Variants in USP30 observed in about 807,000 individuals in gnomAD.
USP30 encodes ubiquitin carboxyl-terminal hydrolase 30.
In USP30, 41 loss-of-function variants were observed where a neutral mutation model predicts 68.2. The ratio of observed to expected loss-of-function variants is 0.60; its 90% CI spans 0.47 to 0.78. The LOEUF (loss-of-function observed/expected upper bound fraction) is 0.78, where lower values mean the gene tolerates loss of function less well. USP30 is among the 30% of genes least tolerant of loss of function. The probability of loss-of-function intolerance (pLI) is 0.00; values close to 1 mark genes in which losing one functional copy is unlikely to be tolerated. For synonymous variants in USP30, 229 were observed against 253.7 expected, an observed-to-expected ratio of 0.90 and a Z score of 0.93; for missense variants, 522 against 649.4, an observed-to-expected ratio of 0.80 and a Z score of 2.13.
intron 3 of USP30, among the ~76,000 whole-genome samples, chr12:109,046,195 G>A (rs11832964): frequency 4.0e-5 from 6 of 149,294 alleles, no homozygotes; most frequent in African/African-American, 1.2e-4. Context: ...CCGCCCCCCC[G>A]GGTTTAAGTG....
upstream of USP30, among the ~76,000 whole-genome samples, chr12:109,048,476 C>T (rs1180595663): frequency 6.6e-6 from 1 of 151,770 alleles, no homozygotes; most frequent in Non-Finnish European, 1.5e-5. Flanking sequence ...GTACCAAGGG[C>T]CAGGGGGTCA....
At position 109,067,627 on chromosome 12, in the gene USP30, G is replaced by A. The variant is rs1192615519; in HGVS notation, c.480G>A (p.Gln160=). Residue 160 remains glutamine, a splice_region_variant and synonymous_variant, in exon 4 of 13, where the codon CAG becomes CAA. Coordinates refer to ENST00000257548, the MANE Select transcript of USP30 (RefSeq NM_032663.5). ...GGCAGATCTCATCATTTGAAGAACA[G>A]GTGAGTACAACATTTGAACAGGTTT... The part of the protein sequence containing the change: ...YRWQISSFEE[Q]DAHELFHVIT... 8 of 1,613,546 alleles carry A rather than the reference G, an allele frequency of 5.0e-6. No individual in the cohort carries two copies. Among genetic ancestry groups the A allele is most frequent in the South Asian group, 3.3e-5 (3 of 91,068 alleles).
In USP30 at chr12:109,052,623, G is replaced by GGCGGCA. The variant is rs2135691933; in HGVS notation, c.-51_-50insAGCGGC. On this transcript the variant is annotated 5_prime_UTR_variant, in exon 1 of 13. Coordinates refer to ENST00000257548, the MANE Select transcript of USP30 (RefSeq NM_032663.5). ...CGGGAACCGTCGTATCCCTCGGTCC[G>GGCGGCA]GCGGCGGCGGCGGCGGTAGCGGAGG... The GGCGGCA allele has an allele frequency of 7.8e-7, 1 of 1,287,924 alleles. No individual in the cohort carries two copies. The highest frequency in any genetic ancestry group is 1.0e-6 in the Non-Finnish European group (1 of 984,546). The allele number at this position is 1,287,924 out of a possible 1,614,324, so 79.8% of individuals were successfully genotyped here. A position where few individuals can be genotyped will look rare whatever the true frequency, so the allele number is the denominator to read the frequency against.
At chr12:109,085,324 A>T (rs554992678) in intron 12 of USP30, among the ~76,000 whole-genome samples, 63 of 152,380 alleles carry the variant, frequency 4.1e-4, no homozygotes, top group African/African-American at 1.5e-3. Flanking sequence ...TATAAAATAT[A>T]AAGAAAATTT....
intron 3 of USP30, among the ~76,000 whole-genome samples, chr12:109,038,488 C>CT (rs1040969015): frequency 2.6e-5 from 4 of 151,920 alleles, no homozygotes; most frequent in African/African-American, 9.7e-5. Context: ...CCCTTTTAAG[C>CT]TTTTTGCTAG....
chr12:109,035,449 C>T (rs1441811487), intron 3 of USP30, among the ~76,000 whole-genome samples: 7 of 152,148 alleles, frequency 4.6e-5, no homozygotes, highest in East Asian at 1.9e-4. Context: ...CTGCAACCTC[C>T]GCCTCCCGGG....
intron 10 of USP30, 42 bp downstream of exon 10, chr12:109,082,785 C>CTCCGTGTA: frequency 6.2e-7 from 1 of 1,610,334 alleles, no homozygotes; most frequent in South Asian, 1.1e-5. Flanking sequence ...GTTTTGAGGA[C>CTCCGTGTA]TCCGTGTATC....
intron 3 of USP30, among the ~76,000 whole-genome samples, chr12:109,045,132 C>T (rs1409626800): frequency 2.6e-5 from 4 of 151,956 alleles, no homozygotes; most frequent in African/African-American, 4.8e-5. Context: ...GCATGTACTA[C>T]CATGCCTGGC....
intron 4 of USP30, among the ~76,000 whole-genome samples, chr12:109,067,975 T>C (rs1394441745): frequency 1.3e-5 from 2 of 151,422 alleles, no homozygotes; most frequent in African/African-American, 4.9e-5. Flanking sequence ...CCCAGAGGTT[T>C]AGGTAAGATT....
At chr12:109,077,326 A>T (rs922678139) in intron 7 of USP30, among the ~76,000 whole-genome samples, 1 of 152,006 alleles carries the variant, frequency 6.6e-6, no homozygotes, top group Non-Finnish European at 1.5e-5. Flanking sequence ...TGTTTGCTAA[A>T]ATTTGTCTTT....
intron 3 of USP30, among the ~76,000 whole-genome samples, chr12:109,046,335 G>A (rs375692939): frequency 3.3e-5 from 5 of 151,370 alleles, no homozygotes; most frequent in African/African-American, 9.7e-5. Context: ...GGATGGTCTC[G>A]ATCTCCTGAC....
chr12:109,023,813 C>G (rs926250488), intron 1 of USP30, among the ~76,000 whole-genome samples: 2 of 150,376 alleles, frequency 1.3e-5, no homozygotes, highest in African/African-American at 4.9e-5. Context: ...TTTTGTATTT[C>G]TAGTAGAGAC....
At chr12:109,048,542 C>A (rs534093794), upstream of USP30, among the ~76,000 whole-genome samples, 3 of 151,810 alleles carry the variant, frequency 2.0e-5, no homozygotes, top group African/African-American at 7.3e-5. Context: ...GAGTTCGAGA[C>A]CAGCCTGGCC....
At chr12:109,035,941 T>G (rs1440441845) in intron 3 of USP30, among the ~76,000 whole-genome samples, 3 of 152,162 alleles carry the variant, frequency 2.0e-5, no homozygotes, top group Non-Finnish European at 2.9e-5. Context: ...GGTGTGAGAA[T>G]TGCTTGAGCT....
chr12:109,053,560 C>T (rs1204168561), intron 1 of USP30: 1 of 153,976 alleles, frequency 6.5e-6, no homozygotes, highest in Non-Finnish European at 1.4e-5. Context: ...ACCTGTTGCT[C>T]AGGTCGGCTT....
At chr12:109,029,954 C>T (rs559546339) in intron 3 of USP30, among the ~76,000 whole-genome samples, 2 of 152,214 alleles carry the variant, frequency 1.3e-5, no homozygotes, top group African/African-American at 4.8e-5. Flanking sequence ...AATCCCTCCT[C>T]TCCCATCTGT....
chr12:109,030,497 A>C (rs1441612816), intron 3 of USP30, among the ~76,000 whole-genome samples: 1 of 152,232 alleles, frequency 6.6e-6, no homozygotes, highest in Non-Finnish European at 1.5e-5. Context: ...ATACAAGATG[A>C]ATAAATTCTG....
intron 3 of USP30, among the ~76,000 whole-genome samples, chr12:109,066,334 T>C (rs1037835946): frequency 1.3e-5 from 2 of 151,488 alleles, no homozygotes; most frequent in Non-Finnish European, 2.9e-5. Context: ...TAGAAGTAAT[T>C]ATAATATAAA....
rs761609564 is a variant in USP30 at position 109,038,681 on chromosome 12, A to G, written c.-135-8909A>G. Among the ~76,000 whole-genome samples, 237 of 152,326 alleles carry G rather than the reference A, an allele frequency of 1.6e-3. 2 individuals carry two copies. Among genetic ancestry groups the G allele is most frequent in the Admixed American group, 4.3e-3 (66 of 15,298 alleles). ...TTATGGTAAGTTTATGTTTCTCTTT[A>G]TATGAATCTGCCAAATAGTTTTCCA... On this transcript the variant is annotated intron_variant, in intron 3 of 15. Coordinates refer to the USP30 transcript ENST00000392784.
Sources: allele counts gnomAD v4.1 joint callset (sites outside exome capture counted in the v4.1 genomes callset), GRCh38; gene constraint gnomAD v4.1.1; transcripts MANE v1.5; gene names NCBI Gene and HGNC (gene_info 2026-07-23, HGNC 2026-07-21).